Variants in JAZF1 observed in about 807,000 individuals in gnomAD.
JAZF1 encodes the protein juxtaposed with another zinc finger protein 1.
A neutral mutation model predicts 26.4 loss-of-function variants in JAZF1; 8 were observed. That is an observed-to-expected ratio of 0.30 (90% CI 0.18 to 0.55). The LOEUF is 0.55. JAZF1 is among the 20% of genes least tolerant of loss of function. JAZF1 has a pLI of 0.94. For missense variants in JAZF1, 199 were observed against 322.0 expected, an observed-to-expected ratio of 0.62 and a Z score of 2.92; for synonymous variants, 126 against 122.3, an observed-to-expected ratio of 1.03 and a Z score of -0.20.
chr7:28,157,897 T>A (rs1400930504), intron 1 of JAZF1, among the ~76,000 whole-genome samples: 1 of 152,016 alleles, frequency 6.6e-6, no homozygotes, highest in Non-Finnish European at 1.5e-5. Context: ...TTTTTTTTAA[T>A]CCCCGATGTA....
intron 2 of JAZF1, among the ~76,000 whole-genome samples, chr7:27,905,609 A>C (rs1176100553): frequency 6.6e-6 from 1 of 150,504 alleles, no homozygotes; most frequent in Non-Finnish European, 1.5e-5. Flanking sequence ...AGCTACAGTA[A>C]ATTTATATTC....
At chr7:28,113,556 T>C (rs1210015137) in intron 1 of JAZF1, among the ~76,000 whole-genome samples, 4 of 152,168 alleles carry the variant, frequency 2.6e-5, no homozygotes, top group Non-Finnish European at 5.9e-5. Flanking sequence ...GAGCTATAAC[T>C]CCTATTTACC....
intron 1 of JAZF1, among the ~76,000 whole-genome samples, chr7:28,024,190 G>A (rs1783054418): frequency 6.6e-6 from 1 of 152,064 alleles, no homozygotes; most frequent in Admixed American, 6.5e-5. Flanking sequence ...AGCTACTCAG[G>A]AGGTTGCGGC....
intron 3 of JAZF1, among the ~76,000 whole-genome samples, chr7:27,868,641 C>G (rs1257419830): frequency 6.6e-6 from 1 of 152,126 alleles, no homozygotes; most frequent in Admixed American, 6.5e-5. Context: ...CTCAGATTTC[C>G]CTGTTGCTGT....
intron 3 of JAZF1, among the ~76,000 whole-genome samples, chr7:27,862,622 G>T (rs1193834391): frequency 2.0e-5 from 3 of 152,194 alleles, no homozygotes; most frequent in Admixed American, 1.3e-4. Context: ...ATTATTGAAT[G>T]TGAATCAGCC....
At chr7:28,002,604 C>T (rs1782621637) in intron 1 of JAZF1, among the ~76,000 whole-genome samples, 1 of 152,082 alleles carries the variant, frequency 6.6e-6, no homozygotes, top group African/African-American at 2.4e-5. Context: ...TTCTTTAGTC[C>T]ATAAGGCGTT....
At chr7:28,136,338 T>A (rs1422911486) in intron 1 of JAZF1, among the ~76,000 whole-genome samples, 2 of 152,218 alleles carry the variant, frequency 1.3e-5, no homozygotes, top group African/African-American at 4.8e-5. Context: ...TCTAACCCAA[T>A]ACCCTTATCT....
At chr7:28,018,341 G>A (rs1782935215) in intron 1 of JAZF1, among the ~76,000 whole-genome samples, 2 of 152,184 alleles carry the variant, frequency 1.3e-5, no homozygotes, top group African/African-American at 4.8e-5. Flanking sequence ...AGGCCCTTGT[G>A]GGCCACCGTT....
intron 1 of JAZF1, among the ~76,000 whole-genome samples, chr7:28,093,362 T>C (rs567806003): frequency 8.5e-5 from 13 of 152,318 alleles, no homozygotes; most frequent in Middle Eastern, 3.4e-3. Flanking sequence ...ATGTAAGACA[T>C]GCCTTCTGCC....
intron 1 of JAZF1, among the ~76,000 whole-genome samples, chr7:28,060,773 GGCCTAGA>G (rs757252063): frequency 5.9e-5 from 9 of 152,130 alleles, no homozygotes; most frequent in Non-Finnish European, 8.8e-5. Context: ...AACTTGGGTG[GGCCTAGA>G]GTTTTCCTTC....
At chr7:27,851,129 G>C (rs1399447409) in intron 3 of JAZF1, among the ~76,000 whole-genome samples, 1 of 152,102 alleles carries the variant, frequency 6.6e-6, no homozygotes, top group East Asian at 1.9e-4. Flanking sequence ...TTTTAGTAGA[G>C]ACAGGGTTTC....
intron 1 of JAZF1, among the ~76,000 whole-genome samples, chr7:28,042,578 T>C (rs1783411836): frequency 6.6e-6 from 1 of 152,222 alleles, no homozygotes; most frequent in Admixed American, 6.5e-5. Context: ...GGATTGTTTT[T>C]AAAACATTGT....
At chr7:27,842,554 A>G (rs1371774021) in intron 3 of JAZF1, 1 of 152,158 alleles carries the variant, frequency 6.6e-6, no homozygotes, top group East Asian at 1.9e-4. Context: ...GTGGGTTTCA[A>G]TAAATTCTGC....
intron 1 of JAZF1, among the ~76,000 whole-genome samples, chr7:28,053,097 A>G (rs1042519803): frequency 6.6e-6 from 1 of 152,160 alleles, no homozygotes; most frequent in African/African-American, 2.4e-5. Context: ...AGACTGACTT[A>G]TTTTGCCTAG....
At chr7:27,852,130 CT>C (rs113021262) in intron 3 of JAZF1, among the ~76,000 whole-genome samples, 5,543 of 125,198 alleles carry the variant, frequency 0.044, 314 homozygotes, top group African/African-American at 0.14. Flanking sequence ...ATAAACAGGA[CT>C]TTTTTTTTTT....
In JAZF1 at chr7:27,964,444, C is replaced by T. The variant is rs1485697096; in HGVS notation, c.188+27465G>A. ...AAGATGCAGCAACATGGAGAATGCTCATGATACAATAGTTAAATGTATGAC... is the reference window on the plus strand; with the variant it reads ...AAGATGCAGCAACATGGAGAATGCTTATGATACAATAGTTAAATGTATGAC... On this transcript the variant is annotated intron_variant, in intron 2 of 4. Coordinates refer to ENST00000283928, the MANE Select transcript of JAZF1 (RefSeq NM_175061.4). Among the ~76,000 whole-genome samples the T allele has an allele frequency of 3.3e-5, 5 of 151,926 alleles. No individual in the cohort carries two copies. In the East Asian group the frequency reaches 9.7e-4, roughly 29 times the overall value.
intron 1 of JAZF1, among the ~76,000 whole-genome samples, chr7:28,112,447 T>C (rs1165914193): frequency 6.6e-6 from 1 of 152,220 alleles, no homozygotes; most frequent in African/African-American, 2.4e-5. Context: ...CACTTAAAGT[T>C]TGTAAAGTTG....
At chr7:27,870,075 A>ATTATTTTTTTT (rs1783553601) in intron 3 of JAZF1, among the ~76,000 whole-genome samples, 1 of 120,664 alleles carries the variant, frequency 8.3e-6, no homozygotes, top group Non-Finnish European at 1.7e-5. Context: ...CACCCGGTTA[A>ATTATTTTTTTT]TTTTTTTTTT....
At chr7:28,166,205 G>A (rs1032502513) in intron 1 of JAZF1, among the ~76,000 whole-genome samples, 1 of 152,104 alleles carries the variant, frequency 6.6e-6, no homozygotes, top group East Asian at 1.9e-4. Context: ...AACTGTATCA[G>A]GGCAATATAT....
Sources: allele counts gnomAD v4.1 joint callset (sites outside exome capture counted in the v4.1 genomes callset), GRCh38; gene constraint gnomAD v4.1.1; transcripts MANE v1.5; gene names NCBI Gene and HGNC (gene_info 2026-07-23, HGNC 2026-07-21).